Variants in RIC3 observed in about 807,000 individuals in gnomAD.
RIC3 encodes the protein RIC3 acetylcholine receptor chaperone.
In RIC3, 28 loss-of-function variants were observed where a neutral mutation model predicts 27.3. The observed-to-expected ratio is 1.02, with a 90% CI of 0.76 to 1.41. RIC3 has a LOEUF of 1.41. Ranked by LOEUF, RIC3 falls within the 40% of genes most tolerant of loss-of-function variation. The probability of loss-of-function intolerance (pLI) is 0.00; values close to 1 mark genes in which losing one functional copy is unlikely to be tolerated. For missense variants in RIC3, 501 were observed against 444.7 expected (o/e 1.13, Z -1.14); for synonymous variants, 184 against 160.4 (o/e 1.15, Z -1.11).
rs188147106 is a variant in RIC3 at position 8,160,838 on chromosome 11, G to A, written c.124+8028C>T. On this transcript the variant is annotated intron_variant, in intron 1 of 5. Transcript: ENST00000309737. ...ATACCAGGAACGGATGAGGGAGCTAGGGATGTTAACACAGGAAAGAAGACT... is the reference window on the plus strand; with the variant it reads ...ATACCAGGAACGGATGAGGGAGCTAAGGATGTTAACACAGGAAAGAAGACT... Among the ~76,000 whole-genome samples, 403 of 152,338 alleles carry A rather than the reference G, an allele frequency of 2.6e-3. 3 individuals are homozygous for A. The highest frequency in any genetic ancestry group is 9.4e-3 in the African/African-American group (391 of 41,580).
intron 5 of RIC3, among the ~76,000 whole-genome samples, chr11:8,120,518 G>A (rs1564984588): frequency 6.6e-6 from 1 of 152,116 alleles, no homozygotes; most frequent in Non-Finnish European, 1.5e-5. Context: ...CATACACCGG[G>A]ACCTGTCGGA....
At chr11:8,153,480 T>C (rs1004458033) in intron 1 of RIC3, 1 of 437,954 alleles carries the variant, frequency 2.3e-6, no homozygotes, top group Non-Finnish European at 4.5e-6. Flanking sequence ...ATTGGATTAA[T>C]CTGAATAAAT....
chr11:8,141,554 C>A (rs1173444187), intron 1 of RIC3, among the ~76,000 whole-genome samples: 1 of 151,092 alleles, frequency 6.6e-6, no homozygotes, highest in Non-Finnish European at 1.5e-5. Flanking sequence ...TACAAAGAGA[C>A]TTAGACTCCC....
At chr11:8,136,905 T>C (rs999946411) in intron 4 of RIC3, among the ~76,000 whole-genome samples, 1 of 152,164 alleles carries the variant, frequency 6.6e-6, no homozygotes, top group African/African-American at 2.4e-5. Context: ...AGTATGTGAA[T>C]GAAAAATGTT....
At position 8,162,629 on chromosome 11, in the gene RIC3, C is replaced by CTTTTTTTTTTTT. The variant is rs757717970; in HGVS notation, c.124+6225_124+6236dup. Among the ~76,000 whole-genome samples, 27 of 83,736 alleles carry CTTTTTTTTTTTT rather than the reference C, an allele frequency of 3.2e-4. 1 individual carries two copies. The highest frequency in any genetic ancestry group is 4.0e-4 in the African/African-American group (9 of 22,254). 54.9% of individuals were successfully genotyped at this position (83,736 alleles called of 152,430 possible). On this transcript the variant is annotated intron_variant, in intron 1 of 5. Coordinates refer to ENST00000309737, the MANE Select transcript of RIC3 (RefSeq NM_001206671.4). ...GATACTTCAAGGCTCCATGCTTCTTCTTTTTTTTTTTTTTTTTTTTTTTTT... is the reference window on the plus strand; with the variant it reads ...GATACTTCAAGGCTCCATGCTTCTTCTTTTTTTTTTTTTTTTTTTTTTTTTTTTTTTTTTTTT...
chr11:8,162,300 T>C (rs1241992423), intron 1 of RIC3, among the ~76,000 whole-genome samples: 2 of 152,268 alleles, frequency 1.3e-5, no homozygotes, highest in African/African-American at 4.8e-5. Context: ...AGCTGACTTT[T>C]CTGTCACTTG....
chr11:8,129,768 C>A (rs1301243720), intron 4 of RIC3, among the ~76,000 whole-genome samples: 1 of 152,186 alleles, frequency 6.6e-6, no homozygotes, highest in East Asian at 1.9e-4. Flanking sequence ...GATACTGCAG[C>A]AGAGTCTGAT....
intron 1 of RIC3, among the ~76,000 whole-genome samples, 162 bp from the exon 2 acceptor site, chr11:8,140,355 T>C (rs1308110845): frequency 6.6e-6 from 1 of 152,198 alleles, no homozygotes; most frequent in Non-Finnish European, 1.5e-5. Flanking sequence ...ATATCCTAAA[T>C]ATGATGTGAT....
rs139852166 is a variant in RIC3, at chr11:8,133,115, TCC to T, written c.521+4261_521+4262del. On this transcript the variant is annotated intron_variant, in intron 4 of 5. Coordinates refer to ENST00000309737, the MANE Select transcript of RIC3 (RefSeq NM_001206671.4). ...TGCCATTATCTCAGTGGGTTAGTTA[TCC>T]CAAGATGGGCTGTTATAAAGTGGGC... Among the ~76,000 whole-genome samples, 187 of 152,312 alleles carry T rather than the reference TCC, an allele frequency of 1.2e-3. 1 individual carries two copies. Among genetic ancestry groups the T allele is most frequent in the African/African-American group, 4.2e-3 (173 of 41,566 alleles).
intron 4 of RIC3, among the ~76,000 whole-genome samples, chr11:8,133,751 G>A (rs1948021360): frequency 6.6e-6 from 1 of 152,188 alleles, no homozygotes; most frequent in South Asian, 2.1e-4. Context: ...ATAAATCTGG[G>A]ATGAAGAGGA....
chr11:8,145,569 G>A (rs1156877292), intron 1 of RIC3, among the ~76,000 whole-genome samples: 1 of 152,114 alleles, frequency 6.6e-6, no homozygotes, highest in Non-Finnish European at 1.5e-5. Flanking sequence ...AGACAGGATG[G>A]ATATAGCACA....
the RIC3 span, among the ~76,000 whole-genome samples, chr11:8,100,011 C>G: frequency 6.6e-6 from 1 of 152,152 alleles, no homozygotes; most frequent in Non-Finnish European, 1.5e-5. Flanking sequence ...GGAGAAAGAT[C>G]ATCTGACTTA....
chr11:8,168,198 G>A (rs1951905671), intron 1 of RIC3, among the ~76,000 whole-genome samples: 1 of 152,162 alleles, frequency 6.6e-6, no homozygotes, highest in South Asian at 2.1e-4. Context: ...AAAGGCCCCA[G>A]TGCAGCTAAG....
intron 5 of RIC3, among the ~76,000 whole-genome samples, chr11:8,122,886 A>G (rs1385846292): frequency 1.4e-5 from 2 of 145,248 alleles, no homozygotes; most frequent in Non-Finnish European, 3.0e-5. Context: ...AAAAAAAAAA[A>G]GGGAAATTAG....
intron 4 of RIC3, 140 bp from the exon 5 acceptor site, chr11:8,126,947 C>CTA: frequency 3.2e-6 from 3 of 944,796 alleles, no homozygotes; most frequent in Non-Finnish European, 3.3e-6. Flanking sequence ...GATCCTCCAA[C>CTA]TGCATAGCTG....
At chr11:8,120,174 G>T (rs1210957175) in intron 5 of RIC3, among the ~76,000 whole-genome samples, 1 of 152,196 alleles carries the variant, frequency 6.6e-6, no homozygotes, top group Non-Finnish European at 1.5e-5. Flanking sequence ...ATTTGACCTG[G>T]CAATCCCATT....
At chr11:8,103,153 G>A (rs1006297301), downstream of RIC3, 2 of 152,300 alleles carry the variant, frequency 1.3e-5, no homozygotes, top group Non-Finnish European at 2.9e-5. Context: ...GTCTAGGTGG[G>A]AGAGAGTGCA....
At chr11:8,103,065 G>C (rs1176709967), downstream of RIC3, 3 of 152,242 alleles carry the variant, frequency 2.0e-5, no homozygotes, top group Non-Finnish European at 4.4e-5. Context: ...TATGATCCAG[G>C]ATTGGCCTGT....
At chr11:8,101,272 T>C (rs1944288947), downstream of RIC3, among the ~76,000 whole-genome samples, 1 of 152,208 alleles carries the variant, frequency 6.6e-6, no homozygotes, top group African/African-American at 2.4e-5. Context: ...TCCCCTGGTG[T>C]TCACATGCAT....
Sources: allele counts gnomAD v4.1 joint callset (sites outside exome capture counted in the v4.1 genomes callset), GRCh38; gene constraint gnomAD v4.1.1; transcripts MANE v1.5; gene names NCBI Gene and HGNC (gene_info 2026-07-23, HGNC 2026-07-21).